SNX29: variants seen among roughly 807,000 people sequenced by gnomAD.
The protein encoded by SNX29 is sorting nexin-29.
SNX29 carries 78 observed loss-of-function variants against 102.1 expected under a neutral mutation model. The ratio of observed to expected loss-of-function variants is 0.76; its 90% CI spans 0.64 to 0.92. The LOEUF is 0.92. SNX29 is among the 40% of genes least tolerant of loss of function. The pLI is 0.00. For missense variants in SNX29, 1,280 were observed against 1,061.7 expected (o/e 1.21, Z -2.86); for synonymous variants, 580 against 414.5 (o/e 1.40, Z -4.85).
At position 12,514,872 on chromosome 16, in the gene SNX29, C is replaced by CAAAG. The variant is rs540042573; in HGVS notation, c.2179-9816_2179-9813dup. ...AGAGCAAAATTAGGTCTCTAAAAAA[C>CAAAG]AAAGAAAGAAAGAAAGAGAGAGAGA... On this transcript the variant is annotated intron_variant, in intron 19 of 20. Transcript: ENST00000566228. Among the ~76,000 whole-genome samples, 9 of 137,836 alleles carry CAAAG rather than the reference C, an allele frequency of 6.5e-5. No homozygotes were observed. The South Asian group carries it at 9.4e-4, about 14-fold the overall frequency. The allele number at this position is 137,836 out of a possible 152,430, so 90.4% of individuals were successfully genotyped here.
At chr16:11,994,160 A>T (rs1051728433) in intron 1 of SNX29, among the ~76,000 whole-genome samples, 1 of 152,168 alleles carries the variant, frequency 6.6e-6, no homozygotes, top group Non-Finnish European at 1.5e-5. Context: ...AGAGAGACCC[A>T]ACTAGGTGAC....
chr16:12,524,897 G>T (rs981231457), intron 20 of SNX29, 56 bp downstream of exon 20: 1 of 1,593,104 alleles, frequency 6.3e-7, no homozygotes, highest in Non-Finnish European at 8.6e-7. Flanking sequence ...TTTTTTCTCG[G>T]TCGTTTTGGA....
chr16:12,299,023 G>C (rs1329463470), intron 15 of SNX29, among the ~76,000 whole-genome samples: 2 of 151,858 alleles, frequency 1.3e-5, no homozygotes, highest in Non-Finnish European at 2.9e-5. Context: ...AATAGGGCTG[G>C]GCACGGTGGC....
At chr16:12,362,542 G>A (rs1388519590) in intron 16 of SNX29, among the ~76,000 whole-genome samples, 3 of 125,886 alleles carry the variant, frequency 2.4e-5, no homozygotes, top group Non-Finnish European at 4.9e-5. Context: ...GAAGGATTTT[G>A]GCTGCTGCAC....
At chr16:12,394,944 C>T (rs1405897384) in intron 16 of SNX29, among the ~76,000 whole-genome samples, 2 of 152,210 alleles carry the variant, frequency 1.3e-5, no homozygotes, top group African/African-American at 4.8e-5. Flanking sequence ...GCACACCCCT[C>T]AGGACTAGAA....
intron 14 of SNX29, among the ~76,000 whole-genome samples, chr16:12,234,842 AC>A (rs2077877149): frequency 6.6e-6 from 1 of 152,066 alleles, no homozygotes; most frequent in Admixed American, 6.5e-5. Context: ...CTCAGAAGAT[AC>A]CCGCTGAATG....
At chr16:12,316,664 G>A (rs933475448) in intron 15 of SNX29, among the ~76,000 whole-genome samples, 3 of 152,050 alleles carry the variant, frequency 2.0e-5, no homozygotes, top group Non-Finnish European at 2.9e-5. Flanking sequence ...CCCCTGCCCC[G>A]TTCCACATCT....
At chr16:12,524,663 G>A in intron 19 of SNX29, 39 bp from the exon 20 acceptor site, 1 of 1,604,068 alleles carries the variant, frequency 6.2e-7, no homozygotes, top group Non-Finnish European at 8.5e-7. Context: ...ACCAGGTGAG[G>A]AAGACGTACC....
chr16:12,450,212 T>G (rs1048465684), intron 18 of SNX29, among the ~76,000 whole-genome samples: 1 of 152,198 alleles, frequency 6.6e-6, no homozygotes, highest in Non-Finnish European at 1.5e-5. Context: ...CCAGTCTCAG[T>G]ATGTCCTTAT....
intron 6 of SNX29, among the ~76,000 whole-genome samples, chr16:12,048,023 A>G (rs2050156088): frequency 6.6e-6 from 1 of 151,950 alleles, no homozygotes; most frequent in Admixed American, 6.6e-5. Flanking sequence ...CTGATCCCGG[A>G]ACTTGTGCCT....
chr16:12,535,883 C>G (rs376035003), intron 20 of SNX29, among the ~76,000 whole-genome samples: 1 of 152,150 alleles, frequency 6.6e-6, no homozygotes, highest in African/African-American at 2.4e-5. Context: ...AAGGTCCTAC[C>G]CATCTCCCCT....
At chr16:12,555,615 G>C (rs367600119) in intron 20 of SNX29, among the ~76,000 whole-genome samples, 2,325 of 152,010 alleles carry the variant, frequency 0.015, 54 homozygotes, top group African/African-American at 0.052. Context: ...TTAGTCCAGT[G>C]TGCATGCCAC....
At chr16:12,527,142 C>T (rs749585010) in intron 20 of SNX29, 13 of 510,522 alleles carry the variant, frequency 2.5e-5, no homozygotes, top group South Asian at 1.9e-4. Context: ...AATCCCACAG[C>T]CCCCTTCTCC....
intron 15 of SNX29, among the ~76,000 whole-genome samples, chr16:12,339,443 T>G (rs577591131): frequency 1.4e-5 from 2 of 145,784 alleles, no homozygotes; most frequent in South Asian, 4.3e-4. Context: ...AAGCAGAAAC[T>G]GGGCAGTTAC....
chr16:12,325,639 C>T (rs1002350214), intron 15 of SNX29, among the ~76,000 whole-genome samples: 1 of 152,064 alleles, frequency 6.6e-6, no homozygotes. Context: ...TATTTATTAT[C>T]TTGTGTGAGG....
intron 20 of SNX29, among the ~76,000 whole-genome samples, chr16:12,535,598 C>T (rs991574882): frequency 2.0e-5 from 3 of 151,938 alleles, no homozygotes; most frequent in Non-Finnish European, 4.4e-5. Context: ...TGGCAAGCCT[C>T]TACCCTTTGT....
At chr16:12,121,737 T>A (rs55975708) in intron 11 of SNX29, among the ~76,000 whole-genome samples, 34,694 of 152,148 alleles carry the variant, frequency 0.23, 4,531 homozygotes, top group East Asian at 0.4. Flanking sequence ...CAGAGGAGCC[T>A]CCAGCCAGGG....
At chr16:12,233,765 C>G (rs937979905) in intron 14 of SNX29, among the ~76,000 whole-genome samples, 31 of 152,210 alleles carry the variant, frequency 2.0e-4, no homozygotes, top group African/African-American at 6.3e-4. Flanking sequence ...AGCAGTCACT[C>G]TCCACCCCAG....
intron 18 of SNX29, among the ~76,000 whole-genome samples, chr16:12,446,044 ATTCTTT>A (rs2086035597): frequency 1.6e-5 from 2 of 122,070 alleles, no homozygotes; most frequent in Admixed American, 9.3e-5. Flanking sequence ...GTAGCTTCTC[ATTCTTT>A]TTTTTTTTTT....
Sources: gnomAD v4.1 joint callset for allele counts (sites outside exome capture counted in the v4.1 genomes callset) on GRCh38, gnomAD v4.1.1 for gene constraint, MANE v1.5 for transcripts, NCBI Gene and HGNC (gene_info 2026-07-23, HGNC 2026-07-21) for gene names.